The following CAMK1D variants were observed in gnomAD, a reference collection of about 807,000 sequenced individuals.
CAMK1D encodes calcium/calmodulin-dependent protein kinase type 1D.
A neutral mutation model predicts 47.7 loss-of-function variants in CAMK1D; 9 were observed. The observed-to-expected ratio is 0.19, with a 90% CI of 0.11 to 0.33. The LOEUF (loss-of-function observed/expected upper bound fraction) is 0.33. CAMK1D is among the 10% of genes least tolerant of loss of function. The pLI is 1.00. For synonymous variants in CAMK1D, 184 were observed against 184.9 expected (o/e 0.99, Z 0.04); for missense variants, 291 against 488.7 (o/e 0.60, Z 3.81).
chr10:12,551,442 C>T (rs1836573447), intron 1 of CAMK1D, among the ~76,000 whole-genome samples: 3 of 152,190 alleles, frequency 2.0e-5, no homozygotes. Flanking sequence ...TTTCATTATA[C>T]ATTACTGTGT....
chr10:12,731,972 G>A (rs1588860083), intron 3 of CAMK1D, among the ~76,000 whole-genome samples: 1 of 152,116 alleles, frequency 6.6e-6, no homozygotes, highest in South Asian at 2.1e-4. Flanking sequence ...TGCTGGGCAC[G>A]GTGGCTCACG....
In CAMK1D at chr10:12,801,295, G is replaced by A. The variant is rs3000759; in HGVS notation, c.641+10062G>A. 1.6e-3 allele frequency among the ~76,000 whole-genome samples: 170 copies of A among 108,630 alleles called. 1 individual carries two copies. Among genetic ancestry groups the A allele is most frequent in the African/African-American group, 4.8e-3 (147 of 30,844 alleles). The allele number at this position is 108,630 out of a possible 152,430, so 71.3% of individuals were successfully genotyped here. On this transcript the variant is annotated intron_variant, in intron 6 of 10. Coordinates refer to ENST00000619168, the MANE Select transcript of CAMK1D (RefSeq NM_153498.4). ...CATCCATCCATATTTCTGTCTGTGT[G>A]TGTATCTATCTATCTATCTATCTAT...
chr10:12,391,644 C>CT (rs1432190781), intron 1 of CAMK1D, among the ~76,000 whole-genome samples: 1 of 152,108 alleles, frequency 6.6e-6, no homozygotes, highest in Non-Finnish European at 1.5e-5. Flanking sequence ...ACAAAACACC[C>CT]TAGTCGGTTA....
chr10:12,710,844 C>T lies in CAMK1D; in HGVS notation c.299+44034C>T, dbSNP rs78404545. ...CAACCCCACCGGCGATATGTACCTC[C>T]GAGTGTACACCAGGGTATATAAAAA... is the stretch of plus-strand genomic sequence containing the variant. On this transcript the variant is annotated intron_variant, in intron 3 of 10. Transcript: ENST00000619168. 8.6e-3 allele frequency among the ~76,000 whole-genome samples: 1,310 copies of T among 152,236 alleles called. 20 individuals are homozygous for T. The highest frequency in any genetic ancestry group is 0.029 in the African/African-American group (1,188 of 41,534).
At chr10:12,446,966 C>A (rs1218949712) in intron 1 of CAMK1D, among the ~76,000 whole-genome samples, 1 of 152,114 alleles carries the variant, frequency 6.6e-6, no homozygotes, top group Admixed American at 6.5e-5. Context: ...TAGGGAGTGT[C>A]CCAACTGGCA....
chr10:12,438,949 T>C lies in CAMK1D; in HGVS notation c.92+89039T>C, dbSNP rs537368411. On this transcript the variant is annotated intron_variant, in intron 1 of 10. Coordinates refer to ENST00000619168, the MANE Select transcript of CAMK1D (RefSeq NM_153498.4). ...TTAAGAAAGACTTAATATTTCTAAT[T>C]GATTTTTTTGCTTTCTATGGAATTT... Among the ~76,000 whole-genome samples, 19 of 152,358 alleles carry C rather than the reference T, an allele frequency of 1.2e-4. No homozygotes were observed. The East Asian group carries it at 3.3e-3, about 26-fold the overall frequency.
At chr10:12,717,060 T>C (rs958923135) in intron 3 of CAMK1D, among the ~76,000 whole-genome samples, 24 of 152,242 alleles carry the variant, frequency 1.6e-4, no homozygotes, top group Non-Finnish European at 1.0e-4. Flanking sequence ...AGTAGTCCAG[T>C]GATAATGTAC....
intron 1 of CAMK1D, among the ~76,000 whole-genome samples, chr10:12,427,700 G>GTTTTTTTGTT (rs1290974363): frequency 3.2e-5 from 1 of 31,032 alleles, no homozygotes; most frequent in Admixed American, 4.9e-4. Context: ...TGAACTTACT[G>GTTTTTTTGTT]TTTTTTTTTT....
chr10:12,607,846 A>C (rs1444320638), intron 2 of CAMK1D, among the ~76,000 whole-genome samples: 1 of 152,142 alleles, frequency 6.6e-6, no homozygotes, highest in African/African-American at 2.4e-5. Context: ...CTGTAGTCCC[A>C]GATACTTGGG....
At chr10:12,698,741 C>T (rs993735520) in intron 3 of CAMK1D, among the ~76,000 whole-genome samples, 2 of 128,048 alleles carry the variant, frequency 1.6e-5, no homozygotes, top group East Asian at 2.4e-4. Context: ...GGTGTGATCT[C>T]GGCTCACTGT....
At chr10:12,715,270 A>G (rs1390593081) in intron 3 of CAMK1D, among the ~76,000 whole-genome samples, 1 of 152,130 alleles carries the variant, frequency 6.6e-6, no homozygotes, top group East Asian at 1.9e-4. Flanking sequence ...ACATTGGCCT[A>G]CCTAGATTCC....
intron 2 of CAMK1D, among the ~76,000 whole-genome samples, chr10:12,657,160 C>T (rs1318348627): frequency 6.6e-6 from 1 of 152,162 alleles, no homozygotes; most frequent in Non-Finnish European, 1.5e-5. Flanking sequence ...GGCACGGTGG[C>T]TCATGCCTGT....
chr10:12,417,411 A>G (rs1240496789), intron 1 of CAMK1D, among the ~76,000 whole-genome samples: 1 of 152,214 alleles, frequency 6.6e-6, no homozygotes, highest in Non-Finnish European at 1.5e-5. Context: ...TGCCAGAGAA[A>G]ACAGGTTCGA....
At chr10:12,664,969 T>C (rs985746394) in intron 2 of CAMK1D, among the ~76,000 whole-genome samples, 1 of 152,250 alleles carries the variant, frequency 6.6e-6, no homozygotes, top group African/African-American at 2.4e-5. Flanking sequence ...ATCTACGTGA[T>C]GCCTACTTTT....
At chr10:12,747,836 C>G (rs1588881416) in intron 3 of CAMK1D, among the ~76,000 whole-genome samples, 1 of 152,168 alleles carries the variant, frequency 6.6e-6, no homozygotes, top group African/African-American at 2.4e-5. Flanking sequence ...TTAAAGCAGT[C>G]AAGCAGGAGG....
At chr10:12,821,443 G>A (rs1833007949) in intron 8 of CAMK1D, among the ~76,000 whole-genome samples, 1 of 152,294 alleles carries the variant, frequency 6.6e-6, no homozygotes, top group Non-Finnish European at 1.5e-5. Context: ...ATTGGGAGGT[G>A]GCCCAGGACT....
chr10:12,599,895 T>C (rs1588676583), intron 2 of CAMK1D, among the ~76,000 whole-genome samples: 1 of 152,162 alleles, frequency 6.6e-6, no homozygotes, highest in East Asian at 1.9e-4. Context: ...AACAAACAAA[T>C]AAAAAACCAA....
At chr10:12,563,760 G>C (rs1837031234) in intron 2 of CAMK1D, among the ~76,000 whole-genome samples, 1 of 151,446 alleles carries the variant, frequency 6.6e-6, no homozygotes. Flanking sequence ...ACTTAAATCT[G>C]GTCTGGCCTC....
chr10:12,828,684 C>A, intron 10 of CAMK1D, 85 bp from the exon 11 acceptor site: 1 of 1,041,694 alleles, frequency 9.6e-7, no homozygotes, highest in South Asian at 1.3e-5. Flanking sequence ...CACCATAAAC[C>A]CAGCCCCTCT....
Sources: allele counts gnomAD v4.1 joint callset (sites outside exome capture counted in the v4.1 genomes callset), GRCh38; gene constraint gnomAD v4.1.1; transcripts MANE v1.5; gene names NCBI Gene and HGNC (gene_info 2026-07-23, HGNC 2026-07-21).